MPDZ: variants seen among roughly 807,000 people sequenced by gnomAD.
MPDZ encodes multiple PDZ domain protein.
A neutral mutation model predicts 239.1 loss-of-function variants in MPDZ; 234 were observed. The observed-to-expected ratio is 0.98, with a 90% CI of 0.88 to 1.09. The LOEUF (loss-of-function observed/expected upper bound fraction) is 1.09, where lower values mean the gene tolerates loss of function less well. Among genes scored for constraint, MPDZ ranks in the 50% least tolerant of loss-of-function variants. MPDZ has a pLI of 0.00. For synonymous variants in MPDZ, 1,048 were observed against 881.3 expected, an observed-to-expected ratio of 1.19 and a Z score of -3.35; for missense variants, 3,175 against 2,510.0, an observed-to-expected ratio of 1.26 and a Z score of -5.66.
intron 23 of MPDZ, 99 bp downstream of exon 23, chr9:13,162,592 T>C: frequency 1.8e-6 from 1 of 560,758 alleles, no homozygotes; most frequent in Non-Finnish European, 2.9e-6. Context: ...GGAAAAGGAT[T>C]CAGACCTTTT....
At chr9:13,113,623 A>ATT (rs1258864319) in intron 41 of MPDZ, among the ~76,000 whole-genome samples, 1 of 152,154 alleles carries the variant, frequency 6.6e-6, no homozygotes, top group Non-Finnish European at 1.5e-5. Context: ...GCATCTTCTG[A>ATT]TTTACTGGTG....
intron 12 of MPDZ, among the ~76,000 whole-genome samples, chr9:13,198,876 G>C (rs1193904852): frequency 6.6e-6 from 1 of 151,292 alleles, no homozygotes; most frequent in South Asian, 2.1e-4. Flanking sequence ...TGGCTATTTG[G>C]AGTCATTTGT....
chr9:13,153,495 G>A (rs1006599096), intron 24 of MPDZ, among the ~76,000 whole-genome samples: 22 of 152,054 alleles, frequency 1.4e-4, no homozygotes, highest in African/African-American at 5.3e-4. Flanking sequence ...CCAGTCTGGA[G>A]TGCAGTGGCA....
intron 22 of MPDZ, 69 bp from the exon 23 acceptor site, chr9:13,162,864 T>C: frequency 1.9e-6 from 2 of 1,035,636 alleles, no homozygotes; most frequent in East Asian, 2.5e-5. Context: ...GAAAAGCTTC[T>C]AAAATAAAGG....
intron 45 of MPDZ, 78 bp from the exon 46 acceptor site, chr9:13,109,137 T>A: frequency 9.0e-7 from 1 of 1,106,510 alleles, no homozygotes; most frequent in South Asian, 4.0e-5. Flanking sequence ...TTATCTGACA[T>A]CCACCTAGAG....
In MPDZ at chr9:13,216,782, T is replaced by C; in HGVS notation, c.1282A>G (p.Ile428Val). Reference protein sequence around the residue: ...HDGRIQIGDQIIAVDGTNLQG... With the variant: ...HDGRIQIGDQVIAVDGTNLQG... ...TTAAATGTGTAACTTACTGCTATAA[T>C]TTGGTCTCCAATTTGGATTCTTCCA... is the stretch of plus-strand genomic sequence containing the variant. Residue 428 changes from isoleucine to valine, a missense_variant, in exon 10 of 47, where the codon ATT (isoleucine) becomes GTT (valine). Physicochemically the swap from Ile to Val is conservative, Grantham distance 29. Coordinates refer to ENST00000319217, the MANE Select transcript of MPDZ (RefSeq NM_001378778.1). The C allele has an allele frequency of 1.2e-6, 2 of 1,604,916 alleles. No homozygotes were observed. Among genetic ancestry groups the C allele is most frequent in the Non-Finnish European group, 1.7e-6 (2 of 1,173,670 alleles).
intron 21 of MPDZ, among the ~76,000 whole-genome samples, chr9:13,171,665 G>T (rs560203326): frequency 2.6e-5 from 4 of 152,228 alleles, no homozygotes; most frequent in African/African-American, 9.6e-5. Flanking sequence ...ATTTATTAAT[G>T]TATCTGTATT....
chr9:13,113,501 C>G (rs1479182779), intron 41 of MPDZ, among the ~76,000 whole-genome samples: 1 of 152,022 alleles, frequency 6.6e-6, no homozygotes, highest in African/African-American at 2.4e-5. Context: ...ACCAATGCAC[C>G]AAGCCAAAAA....
chr9:13,120,476 G>A (rs954490659), intron 38 of MPDZ: 4 of 152,232 alleles, frequency 2.6e-5, no homozygotes, highest in Admixed American at 2.6e-4. Context: ...TGGTTTTTAT[G>A]ATGACCTGGT....
At chr9:13,200,176 G>A (rs1956212221) in intron 12 of MPDZ, among the ~76,000 whole-genome samples, 1 of 151,746 alleles carries the variant, frequency 6.6e-6, no homozygotes, top group East Asian at 1.9e-4. Context: ...TATAATCTCG[G>A]TAGACTGTAA....
At chr9:13,160,865 T>TAC (rs1447433649) in intron 23 of MPDZ, among the ~76,000 whole-genome samples, 2 of 129,492 alleles carry the variant, frequency 1.5e-5, no homozygotes, top group Non-Finnish European at 3.3e-5. Context: ...TATATATATA[T>TAC]ATATAAAACA....
intron 22 of MPDZ, chr9:13,165,221 TAAAC>T (rs1362388861): frequency 1.4e-5 from 11 of 794,868 alleles, no homozygotes; most frequent in Admixed American, 9.3e-5. Flanking sequence ...TGTTCTTACT[TAAAC>T]AAAGAAAACA....
chr9:13,199,215 A>C (rs563652588), intron 12 of MPDZ, among the ~76,000 whole-genome samples: 3 of 152,120 alleles, frequency 2.0e-5, no homozygotes, highest in Admixed American at 2.0e-4. Context: ...TTCACTGCAG[A>C]AATCTTTTAC....
intron 8 of MPDZ, among the ~76,000 whole-genome samples, chr9:13,218,972 G>C (rs1958711137): frequency 6.6e-6 from 1 of 151,832 alleles, no homozygotes; most frequent in African/African-American, 2.4e-5. Flanking sequence ...AACACCAAAA[G>C]AATAACTTTT....
chr9:13,185,314 C>A (rs1430352844), intron 18 of MPDZ, among the ~76,000 whole-genome samples: 1 of 152,022 alleles, frequency 6.6e-6, no homozygotes, highest in African/African-American at 2.4e-5. Flanking sequence ...CCCGAAATTA[C>A]AATCAGCAAA....
At chr9:13,154,847 T>G (rs989801830) in intron 24 of MPDZ, among the ~76,000 whole-genome samples, 2 of 152,106 alleles carry the variant, frequency 1.3e-5, no homozygotes, top group African/African-American at 4.8e-5. Flanking sequence ...ACAAAAAACT[T>G]TTTAAAAAAT....
In MPDZ at chr9:13,222,766, C is replaced by G. The variant is rs144711881; in HGVS notation, c.534-320G>C. ...AAGTGGATATATCTATACAGTTGGCCTTGTGTATCCATGGGTTCCACATCC... is the reference window on the plus strand; with the variant it reads ...AAGTGGATATATCTATACAGTTGGCGTTGTGTATCCATGGGTTCCACATCC... On this transcript the variant is annotated intron_variant, in intron 5 of 46. Coordinates refer to ENST00000319217, the MANE Select transcript of MPDZ (RefSeq NM_001378778.1). Among the ~76,000 whole-genome samples, 588 of 151,852 alleles carry G rather than the reference C, an allele frequency of 3.9e-3. 4 individuals are homozygous for G. Among genetic ancestry groups the G allele is most frequent in the African/African-American group, 0.013 (518 of 41,290 alleles).
chr9:13,198,737 C>CTG (rs1554691393), intron 12 of MPDZ, among the ~76,000 whole-genome samples: 71 of 69,804 alleles, frequency 1.0e-3, no homozygotes, highest in African/African-American at 3.8e-3. Context: ...ATCTCTCTCT[C>CTG]TGTGTGTGTG....
chr9:13,162,420 A>G (rs1950594199), intron 23 of MPDZ, among the ~76,000 whole-genome samples: 1 of 152,044 alleles, frequency 6.6e-6, no homozygotes. Context: ...TTTGGGGCAA[A>G]TTATCAAAAC....
Sources: gnomAD v4.1 joint callset for allele counts (sites outside exome capture counted in the v4.1 genomes callset) on GRCh38, gnomAD v4.1.1 for gene constraint, MANE v1.5 for transcripts, NCBI Gene and HGNC (gene_info 2026-07-23, HGNC 2026-07-21) for gene names.